SHQ1: variants seen among roughly 807,000 people sequenced by gnomAD.
The protein encoded by SHQ1 is SHQ1, H/ACA ribonucleoprotein assembly factor, also known as protein SHQ1 homolog.
A neutral mutation model predicts 53.8 loss-of-function variants in SHQ1; 49 were observed. That is an observed-to-expected ratio of 0.91 (90% CI 0.72 to 1.16). The LOEUF (loss-of-function observed/expected upper bound fraction) is 1.16. SHQ1 is among the 50% of genes most tolerant of loss of function. The probability of loss-of-function intolerance (pLI) is 0.00; values close to 1 mark genes in which losing one functional copy is unlikely to be tolerated. For synonymous variants in SHQ1, 243 were observed against 251.0 expected (o/e 0.97, Z 0.30); for missense variants, 738 against 683.1 (o/e 1.08, Z -0.90).
the SHQ1 span, among the ~76,000 whole-genome samples, chr3:72,726,733 C>A: frequency 1.3e-5 from 2 of 152,142 alleles, no homozygotes; most frequent in Non-Finnish European, 2.9e-5. Context: ...TGATGAGGAC[C>A]ATGACAGATT....
intron 10 of SHQ1, chr3:72,753,675 A>G (rs1387313526): frequency 2.0e-6 from 2 of 982,222 alleles, no homozygotes; most frequent in African/African-American, 3.5e-5. Flanking sequence ...GTTTAGGGTA[A>G]AGAGGAAAAC....
At chr3:72,768,657 A>G (rs1705784816) in intron 10 of SHQ1, among the ~76,000 whole-genome samples, 1 of 152,206 alleles carries the variant, frequency 6.6e-6, no homozygotes, top group Non-Finnish European at 1.5e-5. Context: ...CAGGGCTGCT[A>G]TCCATGTCAG....
chr3:72,729,959 C>T, the SHQ1 span, among the ~76,000 whole-genome samples: 1 of 152,090 alleles, frequency 6.6e-6, no homozygotes, highest in Non-Finnish European at 1.5e-5. Context: ...GCTGGGACTA[C>T]AGGCGCCCGC....
chr3:72,780,334 A>C (rs557550154), intron 10 of SHQ1, among the ~76,000 whole-genome samples: 1 of 152,346 alleles, frequency 6.6e-6, no homozygotes, highest in Non-Finnish European at 1.5e-5. Flanking sequence ...CTTATACAGC[A>C]TTAAGTGAAG....
the SHQ1 span, among the ~76,000 whole-genome samples, chr3:72,727,843 C>T: frequency 6.6e-6 from 1 of 152,142 alleles, no homozygotes. Flanking sequence ...TCCGCTCACA[C>T]CTGCAACCAA....
At chr3:72,781,654 T>C (rs181644420) in intron 10 of SHQ1, among the ~76,000 whole-genome samples, 274 of 152,168 alleles carry the variant, frequency 1.8e-3, no homozygotes, top group Non-Finnish European at 8.4e-4. Flanking sequence ...ACTAATTTCC[T>C]GGCAGAGGCA....
At chr3:72,841,631 G>C (rs1332104524) in intron 3 of SHQ1, among the ~76,000 whole-genome samples, 1 of 152,172 alleles carries the variant, frequency 6.6e-6, no homozygotes, top group Non-Finnish European at 1.5e-5. Flanking sequence ...TCTTGACAGA[G>C]GTGGTGTTCA....
At chr3:72,815,259 G>A (rs1707275457) in intron 8 of SHQ1, 91 bp downstream of exon 8, 1 of 1,028,260 alleles carries the variant, frequency 9.7e-7, no homozygotes. Context: ...AAAAATTCAA[G>A]GAATTGCTTG....
chr3:72,835,996 G>C (rs1310455986), intron 4 of SHQ1, among the ~76,000 whole-genome samples: 1 of 152,168 alleles, frequency 6.6e-6, no homozygotes, highest in Admixed American at 6.5e-5. Context: ...TGAGGGTAGA[G>C]ATCTCATCTA....
intron 9 of SHQ1, among the ~76,000 whole-genome samples, chr3:72,808,057 T>C (rs1484404720): frequency 2.0e-5 from 3 of 152,176 alleles, no homozygotes; most frequent in Non-Finnish European, 4.4e-5. Flanking sequence ...GAAAGAACAA[T>C]TGTATACGTT....
intron 10 of SHQ1, among the ~76,000 whole-genome samples, chr3:72,787,535 A>AC (rs1230262065): frequency 6.6e-6 from 1 of 152,196 alleles, no homozygotes; most frequent in Non-Finnish European, 1.5e-5. Flanking sequence ...GTGAGCATAT[A>AC]TGTACTCTTT....
chr3:72,837,571 A>G (rs1393585), intron 4 of SHQ1, among the ~76,000 whole-genome samples: 33,214 of 152,194 alleles, frequency 0.22, 3,831 homozygotes, highest in Non-Finnish European at 0.24. Flanking sequence ...ATGAGTAGTC[A>G]ATGAAGCTGT....
At chr3:72,737,101 C>G in the SHQ1 span, among the ~76,000 whole-genome samples, 2 of 151,986 alleles carry the variant, frequency 1.3e-5, no homozygotes, top group East Asian at 3.9e-4. Context: ...GAAACCCCAT[C>G]TCTACTAAAA....
chr3:72,759,957 A>G (rs1362421126), intron 10 of SHQ1, among the ~76,000 whole-genome samples: 1 of 152,198 alleles, frequency 6.6e-6, no homozygotes, highest in Non-Finnish European at 1.5e-5. Context: ...TCTTACAGAA[A>G]AAAATCAAGG....
chr3:72,773,348 C>T (rs1384943971), intron 10 of SHQ1: 2 of 557,566 alleles, frequency 3.6e-6, no homozygotes, highest in Non-Finnish European at 6.9e-6. Flanking sequence ...TATACTCCAA[C>T]AAGGAAGGAA....
chr3:72,732,404 T>G, the SHQ1 span, among the ~76,000 whole-genome samples: 10 of 140,398 alleles, frequency 7.1e-5, no homozygotes, highest in African/African-American at 2.7e-4. Context: ...CTTCCTTCCT[T>G]CCTTCCTTCC....
chr3:72,747,281 T>G (rs1332877895), downstream of SHQ1, among the ~76,000 whole-genome samples: 2 of 152,154 alleles, frequency 1.3e-5, no homozygotes, highest in African/African-American at 4.8e-5. Context: ...CAGCTTAAAC[T>G]CAAGTGGGAA....
the SHQ1 span, among the ~76,000 whole-genome samples, chr3:72,730,286 T>C: frequency 2.6e-5 from 4 of 152,126 alleles, no homozygotes; most frequent in Non-Finnish European, 5.9e-5. Context: ...TGGATAATTT[T>C]TTATTTTGTG....
intron 10 of SHQ1, 61 bp from the exon 11 acceptor site, chr3:72,750,897 G>C (rs1705352405): frequency 3.7e-6 from 5 of 1,359,434 alleles, no homozygotes; most frequent in African/African-American, 1.5e-5. Context: ...GGGATAACAG[G>C]TTATACAGCT....
Sources: allele counts gnomAD v4.1 joint callset (sites outside exome capture counted in the v4.1 genomes callset), GRCh38; gene constraint gnomAD v4.1.1; transcripts MANE v1.5; gene names NCBI Gene and HGNC (gene_info 2026-07-23, HGNC 2026-07-21).